DNER: variants seen among roughly 807,000 people sequenced by gnomAD.
The protein encoded by DNER is delta and Notch-like epidermal growth factor-related receptor.
DNER carries 33 observed loss-of-function variants against 78.2 expected under a neutral mutation model. That is an observed-to-expected ratio of 0.42 (90% CI 0.32 to 0.56). The LOEUF (loss-of-function observed/expected upper bound fraction) is 0.56, where lower values mean the gene tolerates loss of function less well. Among genes scored for constraint, DNER ranks in the 20% least tolerant of loss-of-function variants. DNER has a pLI of 0.11. For missense variants in DNER, 918 were observed against 975.3 expected (o/e 0.94, Z 0.78); for synonymous variants, 417 against 384.8 (o/e 1.08, Z -0.98).
chr2:229,388,481 C>G, intron 10 of DNER, 85 bp from the exon 11 acceptor site: 3 of 1,478,948 alleles, frequency 2.0e-6, no homozygotes, highest in Non-Finnish European at 2.7e-6. Context: ...AGATCCAAGG[C>G]TAGGGGTCAT....
chr2:229,454,490 T>G (rs1312631552), intron 7 of DNER, among the ~76,000 whole-genome samples: 1 of 152,212 alleles, frequency 6.6e-6, no homozygotes, highest in Admixed American at 6.5e-5. Flanking sequence ...ATTAAAATTT[T>G]GCTTTTTCTT....
intron 8 of DNER, among the ~76,000 whole-genome samples, chr2:229,430,604 G>A (rs2106354836): frequency 6.6e-6 from 1 of 151,976 alleles, no homozygotes; most frequent in Non-Finnish European, 1.5e-5. Flanking sequence ...TTCAGTTTTG[G>A]AACTCGGACT....
chr2:229,454,985 T>A (rs1415105341), intron 7 of DNER, among the ~76,000 whole-genome samples: 1 of 152,130 alleles, frequency 6.6e-6, no homozygotes, highest in Admixed American at 6.5e-5. Context: ...GAATGTGAGG[T>A]ACAGCAATTA....
intron 7 of DNER, among the ~76,000 whole-genome samples, chr2:229,467,892 G>T (rs1234337812): frequency 6.6e-6 from 1 of 152,188 alleles, no homozygotes; most frequent in Admixed American, 6.5e-5. Flanking sequence ...GTGAACCAAA[G>T]CAGGCAGGTT....
At chr2:229,575,036 C>A (rs1248348674) in intron 4 of DNER, among the ~76,000 whole-genome samples, 2 of 152,032 alleles carry the variant, frequency 1.3e-5, no homozygotes, top group Non-Finnish European at 2.9e-5. Context: ...GGTTAAAATT[C>A]ATTATTATTA....
At chr2:229,407,382 G>A (rs781770116) in intron 9 of DNER, 37 bp from the exon 10 acceptor site, 3 of 1,585,380 alleles carry the variant, frequency 1.9e-6, no homozygotes, top group Non-Finnish European at 2.6e-6. Flanking sequence ...GACTCATCCA[G>A]GACTCTCTGG....
chr2:229,605,208 T>G (rs1307127972), intron 1 of DNER, among the ~76,000 whole-genome samples: 1 of 152,146 alleles, frequency 6.6e-6, no homozygotes, highest in African/African-American at 2.4e-5. Flanking sequence ...AGTCATGGAT[T>G]GTGAAGCAGA....
chr2:229,536,862 C>T (rs1301204877), intron 5 of DNER, among the ~76,000 whole-genome samples: 1 of 152,178 alleles, frequency 6.6e-6, no homozygotes, highest in Non-Finnish European at 1.5e-5. Flanking sequence ...AGGCCACACC[C>T]ATGGGAATTC....
At chr2:229,506,463 A>C (rs952551665) in intron 6 of DNER, among the ~76,000 whole-genome samples, 1 of 152,076 alleles carries the variant, frequency 6.6e-6, no homozygotes, top group African/African-American at 2.4e-5. Context: ...CAGGAGTCTA[A>C]GTACAATTAT....
chr2:229,504,640 ATT>A (rs1403749737), intron 6 of DNER, among the ~76,000 whole-genome samples: 3 of 152,224 alleles, frequency 2.0e-5, no homozygotes, highest in Non-Finnish European at 2.9e-5. Context: ...CCTAATATTT[ATT>A]TTATTATAAA....
At chr2:229,430,585 T>C (rs1252455311) in intron 8 of DNER, among the ~76,000 whole-genome samples, 1 of 152,066 alleles carries the variant, frequency 6.6e-6, no homozygotes, top group East Asian at 1.9e-4. Flanking sequence ...AACATCAGAC[T>C]ACAAGTTCTT....
chr2:229,581,977 T>G (rs1366095145), intron 4 of DNER, among the ~76,000 whole-genome samples: 1 of 152,164 alleles, frequency 6.6e-6, no homozygotes, highest in Non-Finnish European at 1.5e-5. Flanking sequence ...CAGGAGACAG[T>G]CAATTCCTGA....
At chr2:229,392,639 T>A (rs1478288065) in intron 10 of DNER, among the ~76,000 whole-genome samples, 1 of 152,036 alleles carries the variant, frequency 6.6e-6, no homozygotes, top group Non-Finnish European at 1.5e-5. Flanking sequence ...ATATTCAGAT[T>A]TGCACTGCCA....
chr2:229,395,021 G>A (rs553430125), intron 10 of DNER, among the ~76,000 whole-genome samples: 49 of 152,254 alleles, frequency 3.2e-4, no homozygotes, highest in Non-Finnish European at 6.5e-4. Flanking sequence ...ACTCCTCTTT[G>A]TGGGAGGTAC....
At chr2:229,582,661 T>A (rs10168112) in intron 4 of DNER, among the ~76,000 whole-genome samples, 13,482 of 152,144 alleles carry the variant, frequency 0.089, 1,214 homozygotes, top group African/African-American at 0.23. Flanking sequence ...CTTTTTTGAG[T>A]TGGAGTCTCA....
At chr2:229,383,941 A>G (rs1050381292) in intron 11 of DNER, among the ~76,000 whole-genome samples, 14 of 152,140 alleles carry the variant, frequency 9.2e-5, no homozygotes, top group African/African-American at 3.4e-4. Flanking sequence ...CTCCACTCCA[A>G]ATCAGCAGAA....
intron 1 of DNER, among the ~76,000 whole-genome samples, chr2:229,684,379 T>C (rs1699449470): frequency 6.6e-6 from 1 of 151,928 alleles, no homozygotes; most frequent in African/African-American, 2.4e-5. Context: ...ATCCCCCTCT[T>C]CATCGGCTCT....
At chr2:229,686,907 C>A (rs1232309910) in intron 1 of DNER, among the ~76,000 whole-genome samples, 1 of 152,186 alleles carries the variant, frequency 6.6e-6, no homozygotes, top group Non-Finnish European at 1.5e-5. Flanking sequence ...AGAAAAACTG[C>A]AAATGAAGCC....
chr2:229,512,705 A>G lies in DNER; in HGVS notation c.1147+78T>C. ...ACCAAGTACCACCTGTTCTCCAAAA[A>G]CCTTTGTAAATAAAAAACAAGAGGT... is the stretch of plus-strand genomic sequence containing the variant. On this transcript the variant is annotated intron_variant, in intron 6 of 12. Transcript: ENST00000341772. 3 of 1,554,300 alleles carry G rather than the reference A, an allele frequency of 1.9e-6. No individual in the cohort carries two copies. The East Asian group carries it at 6.8e-5, about 35-fold the overall frequency.
Sources: allele counts gnomAD v4.1 joint callset (sites outside exome capture counted in the v4.1 genomes callset), GRCh38; gene constraint gnomAD v4.1.1; transcripts MANE v1.5; gene names NCBI Gene and HGNC (gene_info 2026-07-23, HGNC 2026-07-21).